CNTN1: variants seen among roughly 807,000 people sequenced by gnomAD.
The protein encoded by CNTN1 is contactin 1, also known as contactin-1.
A neutral mutation model predicts 126.4 loss-of-function variants in CNTN1; 38 were observed. The ratio of observed to expected loss-of-function variants is 0.30; its 90% CI spans 0.23 to 0.39. The LOEUF is 0.39. CNTN1 is among the 10% of genes least tolerant of loss of function. The pLI is 1.00. For synonymous variants in CNTN1, 413 were observed against 422.6 expected, an observed-to-expected ratio of 0.98 and a Z score of 0.28; for missense variants, 1,009 against 1,248.4, an observed-to-expected ratio of 0.81 and a Z score of 2.89.
chr12:41,065,921 C>T (rs777805413), intron 23 of CNTN1, among the ~76,000 whole-genome samples: 3 of 152,220 alleles, frequency 2.0e-5, no homozygotes, highest in Non-Finnish European at 2.9e-5. Context: ...GATGTTTTTA[C>T]TCTTTCAGTT....
chr12:40,845,397 TTTAAC>T (rs1942461456), intron 1 of CNTN1, among the ~76,000 whole-genome samples: 1 of 152,212 alleles, frequency 6.6e-6, no homozygotes. Flanking sequence ...CACAGGTTAA[TTTAAC>T]TTGTTAGTCT....
chr12:40,859,660 A>G (rs1029312294), intron 1 of CNTN1, among the ~76,000 whole-genome samples: 2 of 152,140 alleles, frequency 1.3e-5, no homozygotes, highest in Admixed American at 6.6e-5. Context: ...CATTCAAGGG[A>G]AGAATCAACA....
intron 15 of CNTN1, chr12:40,972,618 T>A: frequency 1.1e-6 from 1 of 883,394 alleles, no homozygotes; most frequent in Non-Finnish European, 1.4e-6. Context: ...TAAATGTCTC[T>A]GGCTCAAGAT....
intron 1 of CNTN1, among the ~76,000 whole-genome samples, chr12:40,701,071 G>A (rs956179324): frequency 6.6e-6 from 1 of 152,182 alleles, no homozygotes; most frequent in East Asian, 1.9e-4. Context: ...AACCCCCAGT[G>A]CTCATGATAG....
In CNTN1 at chr12:40,766,469, G is replaced by T. The variant is rs146838125; in HGVS notation, c.-77+73877G>T. 3.9e-3 allele frequency among the ~76,000 whole-genome samples: 594 copies of T among 152,130 alleles called. 2 individuals are homozygous for T. Among genetic ancestry groups the T allele is most frequent in the African/African-American group, 0.013 (538 of 41,526 alleles). ...CATTTAATGAAATAATCAGAGAACT[G>T]TACCATCACCTCTGAGATAATTAGA... On this transcript the variant is annotated intron_variant, in intron 1 of 23. Coordinates refer to ENST00000551295, the MANE Select transcript of CNTN1 (RefSeq NM_001843.4).
intron 17 of CNTN1, among the ~76,000 whole-genome samples, chr12:41,010,325 C>A (rs532296905): frequency 6.6e-6 from 1 of 152,306 alleles, no homozygotes; most frequent in South Asian, 2.1e-4. Context: ...ACAGGCTAGA[C>A]AAGGTTAAGG....
intron 1 of CNTN1, among the ~76,000 whole-genome samples, chr12:40,840,764 G>T (rs1942244910): frequency 6.6e-6 from 1 of 151,592 alleles, no homozygotes; most frequent in African/African-American, 2.4e-5. Context: ...AAATAAAAAG[G>T]TTTCGAAACA....
At chr12:41,060,223 G>T (rs1490395000) in intron 23 of CNTN1, among the ~76,000 whole-genome samples, 2 of 152,086 alleles carry the variant, frequency 1.3e-5, no homozygotes, top group Admixed American at 6.6e-5. Context: ...AGCAATTTTT[G>T]TGGTGGGGGA....
chr12:40,726,895 GT>G (rs1942367389), intron 1 of CNTN1, among the ~76,000 whole-genome samples: 1 of 150,452 alleles, frequency 6.6e-6, no homozygotes, highest in African/African-American at 2.4e-5. Context: ...AAATTCTCAT[GT>G]TTTTTATTAG....
chr12:41,049,613 G>T (rs536765147), intron 23 of CNTN1, among the ~76,000 whole-genome samples: 3 of 152,122 alleles, frequency 2.0e-5, no homozygotes. Flanking sequence ...TGTGCTCTTC[G>T]CTTGGTGCTT....
At chr12:40,855,373 TCAATG>T (rs1385384409) in intron 1 of CNTN1, among the ~76,000 whole-genome samples, 3 of 152,110 alleles carry the variant, frequency 2.0e-5, no homozygotes, top group Non-Finnish European at 4.4e-5. Context: ...ATACCGAGAT[TCAATG>T]CTCGTCATTA....
At chr12:41,020,249 C>A in intron 19 of CNTN1, 88 bp from the exon 20 acceptor site, 1 of 815,726 alleles carries the variant, frequency 1.2e-6, no homozygotes, top group Non-Finnish European at 2.0e-6. Context: ...AAGTATGGTC[C>A]AACATCATTC....
chr12:40,708,537 G>A (rs1191803875), intron 1 of CNTN1, among the ~76,000 whole-genome samples: 2 of 152,308 alleles, frequency 1.3e-5, no homozygotes. Flanking sequence ...AAAGGTTGGG[G>A]TGGCTGTGGC....
chr12:40,767,938 A>G (rs1269618804), intron 1 of CNTN1, among the ~76,000 whole-genome samples: 1 of 152,202 alleles, frequency 6.6e-6, no homozygotes, highest in Non-Finnish European at 1.5e-5. Flanking sequence ...GAAAATCTTA[A>G]TGTAATAAAT....
intron 14 of CNTN1, among the ~76,000 whole-genome samples, chr12:40,958,316 TG>T (rs1946965760): frequency 6.7e-6 from 1 of 150,230 alleles, no homozygotes; most frequent in African/African-American, 2.5e-5. Context: ...TGTGCCTGTA[TG>T]TGTGTATGTA....
chr12:40,733,892 A>T (rs1292392159), intron 1 of CNTN1, among the ~76,000 whole-genome samples: 1 of 152,050 alleles, frequency 6.6e-6, no homozygotes, highest in East Asian at 1.9e-4. Flanking sequence ...TTCATGATCA[A>T]GTAGCCTGAA....
Position 40,981,004 on chromosome 12 carries a change from A to G in CNTN1, c.1900A>G (p.Ile634Val). ...WSRGSDNHSP[I>V]SKYTIQTKTI... ...CCGTGGTTCAGACAATCATAGTCCT[A>G]TTTCTAAATACACTATCCAGACCAA... The change falls in exon 16 of 24, where the codon ATT (isoleucine) becomes GTT (valine). Residue 634 changes from isoleucine (I) to valine (V), a missense_variant. Coordinates refer to ENST00000551295, the MANE Select transcript of CNTN1 (RefSeq NM_001843.4). 1.9e-6 allele frequency: 3 copies of G among 1,613,568 alleles called. No individual in the cohort carries two copies. Among genetic ancestry groups the G allele is most frequent in the Non-Finnish European group, 2.5e-6 (3 of 1,179,628 alleles).
chr12:40,830,858 A>G (rs1283979069), intron 1 of CNTN1, among the ~76,000 whole-genome samples: 2 of 127,972 alleles, frequency 1.6e-5, no homozygotes, highest in Non-Finnish European at 3.3e-5. Context: ...CTACCTAACT[A>G]TCTAGTTTTC....
chr12:40,921,324 T>A (rs762476972), intron 4 of CNTN1, among the ~76,000 whole-genome samples: 7 of 152,180 alleles, frequency 4.6e-5, no homozygotes, highest in Non-Finnish European at 7.3e-5. Flanking sequence ...TTGAGCGATT[T>A]GACCACAGCT....
Sources: allele counts gnomAD v4.1 joint callset (sites outside exome capture counted in the v4.1 genomes callset), GRCh38; gene constraint gnomAD v4.1.1; transcripts MANE v1.5; gene names NCBI Gene and HGNC (gene_info 2026-07-23, HGNC 2026-07-21).